Variants in PI4KB observed in about 807,000 individuals in gnomAD.
PI4KB encodes PtdIns 4-kinase beta.
A neutral mutation model predicts 81.4 loss-of-function variants in PI4KB; 23 were observed. That is an observed-to-expected ratio of 0.28 (90% confidence interval 0.20 to 0.40). The LOEUF (loss-of-function observed/expected upper bound fraction) is 0.40, where lower values mean the gene tolerates loss of function less well. Ranked by LOEUF, PI4KB falls within the 10% of genes least tolerant of loss-of-function variation. The pLI, the probability that PI4KB is intolerant of heterozygous loss-of-function variation, is 1.00. For missense variants in PI4KB, 651 were observed against 1,036.6 expected, an observed-to-expected ratio of 0.63 and a Z score of 5.11; for synonymous variants, 381 against 406.8, an observed-to-expected ratio of 0.94 and a Z score of 0.76.
At chr1:151,309,944 G>A (rs190817836) in intron 3 of PI4KB, among the ~76,000 whole-genome samples, 39 of 152,310 alleles carry the variant, frequency 2.6e-4, no homozygotes, top group Non-Finnish European at 2.2e-4. Context: ...ACACTCAGGA[G>A]CTGGGGGCTG....
At chr1:151,327,715 G>A, upstream of PI4KB, 1 of 240,530 alleles carries the variant, frequency 4.2e-6, no homozygotes, top group Non-Finnish European at 7.8e-6. Flanking sequence ...AGGGGGCGGG[G>A]AAAAGATGTT....
Position 151,297,187 on chromosome 1 carries a change from T to A in PI4KB, c.2015+1621A>T, listed in dbSNP as rs142310930. Among the ~76,000 whole-genome samples, 1,095 of 152,210 alleles carry A rather than the reference T, an allele frequency of 7.2e-3. 15 individuals carry two copies. Among genetic ancestry groups the A allele is most frequent in the African/African-American group, 0.025 (1,050 of 41,502 alleles). On this transcript the variant is annotated intron_variant, in intron 9 of 11. Coordinates refer to ENST00000368873, the MANE Select transcript of PI4KB (RefSeq NM_001369623.2). ...TGCCCTTAACCTCCTGCTCAAGTGA[T>A]CCTCCCACCTCAGCCTCCAAAGTAG...
Position 151,292,845 on chromosome 1 carries a change from G to A in PI4KB, c.*7C>T, listed in dbSNP as rs1027224510. 4 of 1,613,372 alleles carry A rather than the reference G, an allele frequency of 2.5e-6. No homozygotes were observed. The Admixed American group carries it at 5.0e-5, about 20-fold the overall frequency. On this transcript the variant is annotated 3_prime_UTR_variant, in exon 12 of 12. Transcript: ENST00000368873. ...GACCCCCCACCACTCCTGGGCTGAG[G>A]AGCGTGTCACATGATGCCGTTGGTG...
chr1:151,293,205 CTCA>C, intron 11 of PI4KB, 172 bp from the exon 12 acceptor site: 1 of 985,352 alleles, frequency 1.0e-6, no homozygotes, highest in Non-Finnish European at 1.2e-6. Flanking sequence ...GCAGGAACCC[CTCA>C]TCACCCCACG....
At chr1:151,322,939 T>C (rs1164004593) in intron 1 of PI4KB, among the ~76,000 whole-genome samples, 1 of 152,164 alleles carries the variant, frequency 6.6e-6, no homozygotes, top group Admixed American at 6.5e-5. Context: ...TAGTCTCCTC[T>C]ATCCTTTTTT....
chr1:151,293,038 G>A lies in PI4KB; in HGVS notation c.2270-5C>T. 6.2e-7 allele frequency: 1 copy of A among 1,613,710 alleles called. No individual in the cohort carries two copies. The highest frequency in any genetic ancestry group is 1.1e-5 in the South Asian group (1 of 91,056). ...GGAAGCAAGGAAGCTGAGAACCTGG[G>A]GGAAGCAGTCGGAGTTCAGGGTCAT... On this transcript the variant is annotated splice_polypyrimidine_tract_variant and splice_region_variant and intron_variant, in intron 11 of 11. Transcript: ENST00000368873.
chr1:151,308,454 A>G (rs1413961733), intron 3 of PI4KB, among the ~76,000 whole-genome samples: 2 of 152,238 alleles, frequency 1.3e-5, no homozygotes, highest in African/African-American at 4.8e-5. Flanking sequence ...TCAAGGAGAA[A>G]GAAAAAGCAG....
chr1:151,300,513 A>C (rs587762812), intron 8 of PI4KB, among the ~76,000 whole-genome samples: 1 of 152,290 alleles, frequency 6.6e-6, no homozygotes, highest in Non-Finnish European at 1.5e-5. Context: ...AGGCTGAGGC[A>C]GGAGAATCGC....
chr1:151,313,774 C>A (rs1647484976), intron 2 of PI4KB, among the ~76,000 whole-genome samples: 1 of 152,218 alleles, frequency 6.6e-6, no homozygotes, highest in Admixed American at 6.5e-5. Flanking sequence ...ATGGCCATAG[C>A]CTGGGCCGTT....
chr1:151,304,534 G>T (rs1461526271), intron 5 of PI4KB, among the ~76,000 whole-genome samples: 1 of 151,512 alleles, frequency 6.6e-6, no homozygotes, highest in Admixed American at 6.6e-5. Context: ...TAGTAGGAAC[G>T]GGGTTTCACC....
At chr1:151,302,039 A>G (rs1571156411) in intron 7 of PI4KB, 72 bp from the exon 8 acceptor site, 1 of 1,601,264 alleles carries the variant, frequency 6.2e-7, no homozygotes, top group Admixed American at 1.7e-5. Context: ...CTTCCACAAA[A>G]AATCCCAAGC....
intron 1 of PI4KB, among the ~76,000 whole-genome samples, chr1:151,326,957 G>T (rs1374515011): frequency 6.6e-6 from 1 of 152,180 alleles, no homozygotes; most frequent in African/African-American, 2.4e-5. Context: ...GGGCATTATG[G>T]GAGTCGTCTG....
intron 3 of PI4KB, among the ~76,000 whole-genome samples, chr1:151,308,945 G>A (rs1320546241): frequency 6.6e-6 from 1 of 152,136 alleles, no homozygotes. Flanking sequence ...GGGAGTATCA[G>A]GCCTACCTCT....
In PI4KB at chr1:151,302,309, G is replaced by T; in HGVS notation, c.1521-11C>A. The T allele has an allele frequency of 6.2e-7, 1 of 1,601,566 alleles. No individual in the cohort carries two copies. The highest frequency in any genetic ancestry group is 8.6e-7 in the Non-Finnish European group (1 of 1,168,664). On this transcript the variant is annotated splice_polypyrimidine_tract_variant and intron_variant, in intron 6 of 11. Transcript: ENST00000368873. ...TCCGAAAGGCGCCGGCTGGCAGGAAGAAAATACATCATTTGCTTGGAGAAG... is the reference window on the plus strand; with the variant it reads ...TCCGAAAGGCGCCGGCTGGCAGGAATAAAATACATCATTTGCTTGGAGAAG...
rs1199324774 is a variant in PI4KB at position 151,294,557 on chromosome 1, AGAG to A, written c.2016-19_2016-17del. 1 of 1,613,800 alleles carries A rather than the reference AGAG, an allele frequency of 6.2e-7. No homozygotes were observed. The highest frequency in any genetic ancestry group is 8.5e-7 in the Non-Finnish European group (1 of 1,179,794). On this transcript the variant is annotated splice_polypyrimidine_tract_variant and intron_variant, in intron 9 of 11. Coordinates refer to ENST00000368873, the MANE Select transcript of PI4KB (RefSeq NM_001369623.2). Reference sequence around the variant, plus strand: ...CCCATTGTGTCTGAGGAGGGGGAATAGAGGAGAGGAAGAGGCAGTAGTCAGTCT... The same window carrying A: ...CCCATTGTGTCTGAGGAGGGGGAATAGAGAGGAAGAGGCAGTAGTCAGTCT...
intron 2 of PI4KB, among the ~76,000 whole-genome samples, chr1:151,312,169 A>G (rs968810771): frequency 6.6e-6 from 1 of 152,218 alleles, no homozygotes; most frequent in Non-Finnish European, 1.5e-5. Context: ...AGTAAGAAAG[A>G]GAACACTGTG....
intron 4 of PI4KB, among the ~76,000 whole-genome samples, chr1:151,307,188 G>C (rs1271977144): frequency 6.6e-6 from 1 of 152,146 alleles, no homozygotes; most frequent in Non-Finnish European, 1.5e-5. Context: ...GGCTCATTCT[G>C]ATCAGAAAAG....
Position 151,307,659 on chromosome 1 carries a change from C to T in PI4KB, c.1097G>A (p.Arg366Gln), listed in dbSNP as rs1397433917. The T allele has an allele frequency of 1.5e-5, 24 of 1,614,040 alleles. No individual in the cohort carries two copies. Among genetic ancestry groups the T allele is most frequent in the Non-Finnish European group, 1.9e-5 (22 of 1,180,030 alleles). ...LSLLNHKLPARVWLPTAGFDH... is the reference protein window; with the variant it reads ...LSLLNHKLPAQVWLPTAGFDH... ...AAAGCCAGCAGTGGGCAGCCAGACT[C>T]GGGCAGGGAGCTTATGGTTGAGCAG... is the stretch of plus-strand genomic sequence containing the variant. Residue 366 changes from arginine (R) to glutamine (Q), a missense_variant, in exon 4 of 12, where the codon CGA becomes CAA. By Grantham distance (43) the Arg-to-Gln change is conservative (BLOSUM62 1). Transcript: ENST00000368873.
rs188720853 is a variant in PI4KB at position 151,324,084 on chromosome 1, G to A, written c.-29+3187C>T. On this transcript the variant is annotated intron_variant, in intron 1 of 11. Coordinates refer to ENST00000368873, the MANE Select transcript of PI4KB (RefSeq NM_001369623.2). ...CTCTGCCTCAGCCTCCCGAGTAGCTGGAATTACAGGCACACGCCACCACAC... is the reference window on the plus strand; with the variant it reads ...CTCTGCCTCAGCCTCCCGAGTAGCTAGAATTACAGGCACACGCCACCACAC... Among the ~76,000 whole-genome samples, 730 of 151,998 alleles carry A rather than the reference G, an allele frequency of 4.8e-3. 9 individuals are homozygous for A. The highest frequency in any genetic ancestry group is 0.017 in the African/African-American group (692 of 41,464).
Sources: gnomAD v4.1 joint callset for allele counts (sites outside exome capture counted in the v4.1 genomes callset) on GRCh38, gnomAD v4.1.1 for gene constraint, MANE v1.5 for transcripts, NCBI Gene and HGNC (gene_info 2026-07-23, HGNC 2026-07-21) for gene names.